Variants in SUPT20H observed in about 807,000 individuals in gnomAD.
SUPT20H encodes the protein transcription factor SPT20 homolog.
SUPT20H carries 82 observed loss-of-function variants against 122.8 expected under a neutral mutation model. That is an observed-to-expected ratio of 0.67 (90% CI 0.56 to 0.80). SUPT20H has a LOEUF of 0.80. SUPT20H is among the 30% of genes least tolerant of loss of function. SUPT20H has a pLI of 0.00. For synonymous variants in SUPT20H, 291 were observed against 313.0 expected, an observed-to-expected ratio of 0.93 and a Z score of 0.74; for missense variants, 831 against 921.6, an observed-to-expected ratio of 0.90 and a Z score of 1.27.
At chr13:37,030,473 A>G (rs894366140) in intron 12 of SUPT20H, among the ~76,000 whole-genome samples, 1 of 152,186 alleles carries the variant, frequency 6.6e-6, no homozygotes, top group African/African-American at 2.4e-5. Context: ...ATCCTAAGTA[A>G]GTAGATTTTG....
rs935436150 is a variant in SUPT20H at position 37,029,642 on chromosome 13, G to C, written c.993+123C>G. The C allele has an allele frequency of 1.2e-5, 9 of 734,348 alleles. No homozygotes were observed. In the Admixed American group the frequency reaches 2.4e-4, roughly 20 times the overall value. 45.5% of individuals were successfully genotyped at this position (734,348 alleles called of 1,614,324 possible). On this transcript the variant is annotated intron_variant, in intron 13 of 25. Transcript: ENST00000350612. ...CTTCTTGTAATAAACTGAACTCGCA[G>C]AAACTAATTTAAAAAAGAAAAAAGG... is the stretch of plus-strand genomic sequence containing the variant.
intron 9 of SUPT20H, chr13:37,039,535 G>A (rs2065093986): frequency 6.6e-6 from 1 of 152,134 alleles, no homozygotes. Context: ...GTTAGCCAAA[G>A]CTTCGGCAGA....
At chr13:37,010,815 C>T in intron 24 of SUPT20H, 160 bp from the exon 25 acceptor site, 2 of 551,004 alleles carry the variant, frequency 3.6e-6, no homozygotes, top group Non-Finnish European at 6.4e-6. Flanking sequence ...AGTATATGGT[C>T]TCCTGTTAGT....
intron 25 of SUPT20H, among the ~76,000 whole-genome samples, chr13:37,010,138 G>C (rs1359170413): frequency 1.3e-5 from 2 of 152,138 alleles, no homozygotes; most frequent in South Asian, 2.1e-4. Flanking sequence ...TGAATATCAA[G>C]ATAGTCAACT....
In SUPT20H at chr13:37,024,054, T is replaced by C. The variant is rs746918081; in HGVS notation, c.1572A>G (p.Ser524=). 7 of 1,611,942 alleles carry C rather than the reference T, an allele frequency of 4.3e-6. No individual in the cohort carries two copies. Among genetic ancestry groups the C allele is most frequent in the Non-Finnish European group, 5.9e-6 (7 of 1,179,216 alleles). Residue 524 remains serine (S), a synonymous_variant, in exon 19 of 26, where the codon TCA becomes TCG. Transcript: ENST00000350612. ...QVSMLSPAAL[S]PASSSQRTTA... is the part of the protein sequence containing the mutation. ...ACTCACTTTGTGATGAGCTGGCAGG[T>C]GATAGGGCAGCTGGAGAAAGCATGC...
At position 37,047,578 on chromosome 13, in the gene SUPT20H, T is replaced by C; in HGVS notation, c.122A>G (p.Tyr41Cys). Reference sequence around the variant, plus strand: ...TTCACATTCTTCAATATACAAGTCATAAAGTTTTTGAAATACAGATTTTCT... The same window carrying C: ...TTCACATTCTTCAATATACAAGTCACAAAGTTTTTGAAATACAGATTTTCT... Reference protein sequence around the residue: ...SGRKSVFQKLYDLYIEECEKE... With the variant: ...SGRKSVFQKLCDLYIEECEKE... Residue 41 changes from tyrosine (Y) to cysteine (C), a missense_variant, in exon 5 of 26, where the codon TAT becomes TGT. Tyr to Cys is a radical substitution (Grantham distance 194, BLOSUM62 -2). Transcript: ENST00000350612. 4.9e-6 allele frequency: 7 copies of C among 1,426,032 alleles called. No homozygotes were observed. The highest frequency in any genetic ancestry group is 6.6e-6 in the Non-Finnish European group (7 of 1,067,958). 88.3% of individuals were successfully genotyped at this position (1,426,032 alleles called of 1,614,324 possible).
chr13:37,022,072 C>T lies in SUPT20H; in HGVS notation c.1600G>A (p.Ala534Thr), dbSNP rs775554548. The stretch of plus-strand genomic sequence containing the variant: ...GCAGAGTTTGCCATGACCTGGGTGG[C>T]CGTGGTTCCTGGAGTTATAGATGTT... ...SPASSSQRTT[A>T]TQVMANSAGL... Residue 534 changes from alanine (A) to threonine (T), a missense_variant, in exon 20 of 26, where the codon GCC becomes ACC. By Grantham distance (58) the Ala-to-Thr change is moderately conservative (BLOSUM62 0). Coordinates refer to ENST00000350612, the MANE Select transcript of SUPT20H (RefSeq NM_001014286.3). This position sits in a 1 kb window ranked among gnomAD's most constrained non-coding sequence, Gnocchi z 4.5. 6.2e-7 allele frequency: 1 copy of T among 1,613,752 alleles called. No individual in the cohort carries two copies. Among genetic ancestry groups the T allele is most frequent in the East Asian group, 2.2e-5 (1 of 44,868 alleles).
intron 22 of SUPT20H, among the ~76,000 whole-genome samples, chr13:37,018,118 T>C (rs1316755528): frequency 1.3e-5 from 2 of 151,264 alleles, no homozygotes; most frequent in African/African-American, 2.4e-5. Flanking sequence ...GTCAAAAAAA[T>C]AATAATAAAA....
chr13:37,021,753 T>A, intron 20 of SUPT20H, 151 bp from the exon 21 acceptor site: 1 of 1,087,108 alleles, frequency 9.2e-7, no homozygotes, highest in Non-Finnish European at 1.3e-6. Flanking sequence ...AGAAGATAAA[T>A]AGGAAATTCT....
chr13:37,024,524 G>T (rs1696253270), intron 17 of SUPT20H, 82 bp from the exon 18 acceptor site: 1 of 954,406 alleles, frequency 1.0e-6, no homozygotes, highest in South Asian at 2.9e-5. Context: ...TAACTTCATA[G>T]TTTATTAAAT....
intron 22 of SUPT20H, among the ~76,000 whole-genome samples, chr13:37,018,686 T>C (rs2060947991): frequency 6.6e-6 from 1 of 152,194 alleles, no homozygotes. Context: ...AGGCAGGATC[T>C]TACTCTGTTG....
chr13:37,057,524 T>TAAAAA (rs35735192), intron 1 of SUPT20H, among the ~76,000 whole-genome samples: 2 of 108,422 alleles, frequency 1.8e-5, no homozygotes, highest in Admixed American at 1.0e-4. Flanking sequence ...GCCAAGCCAT[T>TAAAAA]AAAAAAAAAA....
intron 9 of SUPT20H, 113 bp downstream of exon 9, chr13:37,040,292 A>G: frequency 1.1e-6 from 1 of 930,438 alleles, no homozygotes; most frequent in Non-Finnish European, 1.6e-6. Context: ...TTTCACATAA[A>G]GCATCAAACT....
chr13:37,012,456 C>A, intron 23 of SUPT20H, 159 bp from the exon 24 acceptor site: 1 of 504,104 alleles, frequency 2.0e-6, no homozygotes, highest in Non-Finnish European at 3.5e-6. Flanking sequence ...TTAGAATAAG[C>A]AAGAATAAAT....
Position 37,024,331 on chromosome 13 carries a change from A to T in SUPT20H, c.1432+9T>A. On this transcript the variant is annotated intron_variant, in intron 18 of 25. Transcript: ENST00000350612. ...ATTCTAGACTGCAAAAAACTAAGAAATGTAATACCTGAGGAACTATTTCCT... is the reference window on the plus strand; with the variant it reads ...ATTCTAGACTGCAAAAAACTAAGAATTGTAATACCTGAGGAACTATTTCCT... 6.4e-7 allele frequency: 1 copy of T among 1,561,212 alleles called. No homozygotes were observed. Among genetic ancestry groups the T allele is most frequent in the South Asian group, 1.2e-5 (1 of 81,208 alleles).
At chr13:37,045,465 CT>C in intron 5 of SUPT20H, 92 bp from the exon 6 acceptor site, 1 of 1,458,480 alleles carries the variant, frequency 6.9e-7, no homozygotes, top group South Asian at 1.3e-5. Context: ...TTGAATTAAC[CT>C]TTTGGTGCTC....
chr13:37,035,223 G>A (rs2064113561), intron 9 of SUPT20H, among the ~76,000 whole-genome samples: 1 of 152,160 alleles, frequency 6.6e-6, no homozygotes, highest in Non-Finnish European at 1.5e-5. Context: ...ATGGATCTGG[G>A]CAAAGTAAAT....
chr13:37,033,733 G>T, intron 9 of SUPT20H, 145 bp from the exon 10 acceptor site: 1 of 885,110 alleles, frequency 1.1e-6, no homozygotes, highest in Non-Finnish European at 1.6e-6. Context: ...ATGTTAGTGT[G>T]CATGTAAACT....
chr13:37,016,321 T>C (rs558938240), intron 23 of SUPT20H, among the ~76,000 whole-genome samples: 1 of 151,936 alleles, frequency 6.6e-6, no homozygotes, highest in Admixed American at 6.5e-5. Flanking sequence ...CGACAGCTAC[T>C]CGGGAGGCTG....
Sources: gnomAD v4.1 joint callset for allele counts (sites outside exome capture counted in the v4.1 genomes callset) on GRCh38, gnomAD v4.1.1 for gene constraint, Gnocchi (gnomAD v3.1) non-coding constraint, MANE v1.5 for transcripts, NCBI Gene and HGNC (gene_info 2026-07-23, HGNC 2026-07-21) for gene names.